DPY19L4: variants seen among roughly 807,000 people sequenced by gnomAD.
DPY19L4 encodes probable C-mannosyltransferase DPY19L4.
DPY19L4 carries 97 observed loss-of-function variants against 102.8 expected under a neutral mutation model. That is an observed-to-expected ratio of 0.94 (90% CI 0.80 to 1.12). The LOEUF (loss-of-function observed/expected upper bound fraction) is 1.12. Among genes scored for constraint, DPY19L4 ranks in the 50% most tolerant of loss-of-function variants. The probability of loss-of-function intolerance (pLI) is 0.00; values close to 1 mark genes in which losing one functional copy is unlikely to be tolerated. For synonymous variants in DPY19L4, 252 were observed against 283.1 expected, an observed-to-expected ratio of 0.89 and a Z score of 1.10; for missense variants, 815 against 850.4, an observed-to-expected ratio of 0.96 and a Z score of 0.52.
At position 94,756,054 on chromosome 8, in the gene DPY19L4, T is replaced by A. The variant is rs1269311953; in HGVS notation, c.630T>A (p.Ile210=). 1 of 1,611,970 alleles carries A rather than the reference T, an allele frequency of 6.2e-7. No homozygotes were observed. The highest frequency in any genetic ancestry group is 1.3e-5 in the African/African-American group (1 of 74,866). ...ATTTTAGGGTAGATACAACAAGAAT[T>A]GAATACTCCATTCCTTTAAGAGAAA... is the stretch of plus-strand genomic sequence containing the variant. ...FVINRVDTTR[I]EYSIPLRENW... Residue 210 remains isoleucine, a synonymous_variant, in exon 7 of 19, where the codon ATT becomes ATA. Coordinates refer to ENST00000414645, the MANE Select transcript of DPY19L4 (RefSeq NM_181787.3).
intron 13 of DPY19L4, among the ~76,000 whole-genome samples, chr8:94,774,602 G>T: frequency 6.9e-6 from 1 of 144,372 alleles, no homozygotes; most frequent in Non-Finnish European, 1.5e-5. Flanking sequence ...TTTTGAGATG[G>T]AGTTTCACCT....
intron 1 of DPY19L4, among the ~76,000 whole-genome samples, chr8:94,721,507 T>C (rs1297028457): frequency 6.6e-6 from 1 of 152,238 alleles, no homozygotes; most frequent in Non-Finnish European, 1.5e-5. Context: ...ATTTGTTTAC[T>C]TGGTTCTGTC....
chr8:94,776,493 A>T lies in DPY19L4; in HGVS notation c.1455-1173A>T, dbSNP rs1430021978. On this transcript the variant is annotated intron_variant, in intron 13 of 18. Transcript: ENST00000414645. The stretch of plus-strand genomic sequence containing the variant: ...CCCAGGTGTTATTTTTGCTTGGGCC[A>T]TATATCTACATTAAAAAAAAAAAAG... Among the ~76,000 whole-genome samples the T allele has an allele frequency of 3.3e-5, 5 of 151,312 alleles. No individual in the cohort carries two copies. In the East Asian group the frequency reaches 9.7e-4, roughly 29 times the overall value.
At chr8:94,721,035 T>C (rs6471478) in intron 1 of DPY19L4, among the ~76,000 whole-genome samples, 100,477 of 152,016 alleles carry the variant, frequency 0.66, 33,706 homozygotes, top group African/African-American at 0.77. Flanking sequence ...CAACCTCCGC[T>C]TCCTGGATTC....
At chr8:94,748,012 ACT>A (rs1418947257) in intron 6 of DPY19L4, among the ~76,000 whole-genome samples, 1 of 152,114 alleles carries the variant, frequency 6.6e-6, no homozygotes, top group East Asian at 1.9e-4. Context: ...AATCTGTCAG[ACT>A]CTGCTACTGC....
intron 11 of DPY19L4, 119 bp downstream of exon 11, chr8:94,766,804 G>A (rs979238081): frequency 1.5e-4 from 132 of 855,840 alleles, no homozygotes; most frequent in Non-Finnish European, 2.2e-4. Context: ...TTAGGAGGCC[G>A]AGGTGGGTGG....
chr8:94,724,360 A>G (rs1216487537), intron 1 of DPY19L4, among the ~76,000 whole-genome samples: 1 of 152,244 alleles, frequency 6.6e-6, no homozygotes, highest in East Asian at 1.9e-4. Context: ...CTTTTAAAAT[A>G]AAATTAAAAA....
At chr8:94,768,176 C>A (rs1812761007) in intron 11 of DPY19L4, among the ~76,000 whole-genome samples, 2 of 152,126 alleles carry the variant, frequency 1.3e-5, no homozygotes, top group Admixed American at 1.3e-4. Context: ...TAAAAAGCAG[C>A]AGTTTTACAT....
intron 6 of DPY19L4, among the ~76,000 whole-genome samples, chr8:94,750,775 C>A (rs1811883377): frequency 6.6e-6 from 1 of 151,582 alleles, no homozygotes; most frequent in Admixed American, 6.6e-5. Context: ...CCATCACTAC[C>A]CAAAATTTCC....
intron 13 of DPY19L4, among the ~76,000 whole-genome samples, chr8:94,774,425 A>T (rs116485270): frequency 0.011 from 1,610 of 152,300 alleles, 26 homozygotes; most frequent in African/African-American, 0.036. Flanking sequence ...TAAGTATACA[A>T]TTCAGCAGTG....
chr8:94,770,884 C>T (rs1305066002), intron 13 of DPY19L4, among the ~76,000 whole-genome samples: 3 of 149,416 alleles, frequency 2.0e-5, no homozygotes, highest in South Asian at 2.1e-4. Flanking sequence ...AACAAGACCC[C>T]GTCAAAAAAA....
intron 14 of DPY19L4, among the ~76,000 whole-genome samples, chr8:94,779,314 C>T (rs2130925989): frequency 6.8e-6 from 1 of 147,744 alleles, no homozygotes; most frequent in African/African-American, 2.5e-5. Flanking sequence ...CCAGGATTTT[C>T]TTTTCTCTTT....
intron 1 of DPY19L4, among the ~76,000 whole-genome samples, chr8:94,724,255 A>C (rs1163182626): frequency 6.6e-6 from 1 of 152,222 alleles, no homozygotes; most frequent in Non-Finnish European, 1.5e-5. Flanking sequence ...GAAATTATCC[A>C]ATTAAATGTT....
chr8:94,734,545 G>A, intron 2 of DPY19L4, 85 bp from the exon 3 acceptor site: 1 of 1,403,312 alleles, frequency 7.1e-7, no homozygotes, highest in Admixed American at 2.2e-5. Context: ...TGGGGACAAA[G>A]ACCATAGAGG....
At chr8:94,765,445 C>T (rs1812632517) in intron 9 of DPY19L4, 131 bp downstream of exon 9, 1 of 835,102 alleles carries the variant, frequency 1.2e-6, no homozygotes, top group Non-Finnish European at 1.8e-6. Context: ...AAGTGATTCT[C>T]CTGCCTCAGC....
chr8:94,745,831 C>T (rs1447367566), intron 6 of DPY19L4, among the ~76,000 whole-genome samples: 3 of 152,014 alleles, frequency 2.0e-5, no homozygotes, highest in Non-Finnish European at 4.4e-5. Flanking sequence ...CTTGACTTAC[C>T]GCAACCTCTG....
intron 1 of DPY19L4, among the ~76,000 whole-genome samples, chr8:94,721,414 G>T (rs1810456514): frequency 6.6e-6 from 1 of 152,222 alleles, no homozygotes; most frequent in African/African-American, 2.4e-5. Context: ...GAGTGTTAAA[G>T]CTGGTCTGAA....
At chr8:94,755,430 C>T (rs1812117385) in intron 6 of DPY19L4, among the ~76,000 whole-genome samples, 1 of 152,172 alleles carries the variant, frequency 6.6e-6, no homozygotes, top group African/African-American at 2.4e-5. Flanking sequence ...CTCTGTGCAA[C>T]AAGCTGTGTA....
chr8:94,744,429 T>C (rs1198352431), intron 6 of DPY19L4: 2 of 456,726 alleles, frequency 4.4e-6, no homozygotes, highest in African/African-American at 2.0e-5. Flanking sequence ...AAGCCAGGTA[T>C]CTGTTATAAC....
Sources: allele counts gnomAD v4.1 joint callset (sites outside exome capture counted in the v4.1 genomes callset), GRCh38; gene constraint gnomAD v4.1.1; transcripts MANE v1.5; gene names NCBI Gene and HGNC (gene_info 2026-07-23, HGNC 2026-07-21).